EPCAM: variants seen among roughly 807,000 people sequenced by gnomAD.
EPCAM encodes epithelial cell adhesion molecule.
A neutral mutation model predicts 40.0 loss-of-function variants in EPCAM; 39 were observed. That is an observed-to-expected ratio of 0.98 (90% confidence interval 0.76 to 1.27). The LOEUF (loss-of-function observed/expected upper bound fraction) is 1.27, where lower values mean the gene tolerates loss of function less well. EPCAM is among the 50% of genes most tolerant of loss of function. EPCAM has a pLI of 0.00. For missense variants in EPCAM, 503 were observed against 381.2 expected (o/e 1.32, Z -2.66); for synonymous variants, 168 against 132.3 (o/e 1.27, Z -1.85).
chr2:47,371,217 C>G (rs1025692123), intron 1 of EPCAM, among the ~76,000 whole-genome samples: 6 of 152,276 alleles, frequency 3.9e-5, no homozygotes, highest in East Asian at 3.9e-4. Flanking sequence ...AGTTTGATTT[C>G]AGTTTCTCTT....
chr2:47,380,357 A>C (rs540732215), intron 7 of EPCAM, among the ~76,000 whole-genome samples: 138 of 152,310 alleles, frequency 9.1e-4, no homozygotes, highest in African/African-American at 3.2e-3. Flanking sequence ...TAACATCCAT[A>C]TTCCAAAACA....
At position 47,377,059 on chromosome 2, in the gene EPCAM, A is replaced by T. The variant is rs953208357; in HGVS notation, c.537A>T (p.Lys179Asn). 2 of 1,605,598 alleles carry T rather than the reference A, an allele frequency of 1.2e-6. No individual in the cohort carries two copies. Among genetic ancestry groups the T allele is most frequent in the Non-Finnish European group, 1.7e-6 (2 of 1,172,356 alleles). Residue 179 changes from lysine (K) to asparagine (N), a missense_variant, in exon 5 of 9, where the codon AAA becomes AAT. Physicochemically the swap from Lys to Asn is moderately conservative, Grantham distance 94 (BLOSUM62 0). Transcript: ENST00000263735. ...EITTRYQLDP[K>N]FITSILYENN... ...CAACGCGTTATCAACTGGATCCAAA[A>T]TTTATCACGAGTATTTTGGTATGAT...
chr2:47,369,625 G>C, intron 1 of EPCAM, 44 bp downstream of exon 1: 1 of 1,534,848 alleles, frequency 6.5e-7, no homozygotes. Flanking sequence ...GGGCTGGGCT[G>C]GGGGGCAGCG....
At position 47,386,609 on chromosome 2, in the gene EPCAM, C is replaced by T. The variant is rs776895157; in HGVS notation, c.941C>T (p.Ala314Val). The T allele has an allele frequency of 6.2e-7, 1 of 1,600,912 alleles. No individual in the cohort carries two copies. Among genetic ancestry groups the T allele is most frequent in the Non-Finnish European group, 8.6e-7 (1 of 1,169,012 alleles). Residue 314 changes from alanine (A) to valine (V), a missense_variant, in exon 9 of 9, where the codon GCA (alanine) becomes GTA (valine). Physicochemically the swap from Ala to Val is moderately conservative, Grantham distance 64. Coordinates refer to ENST00000263735, the MANE Select transcript of EPCAM (RefSeq NM_002354.3). ...GGTGAGATGCATAGGGAACTCAATGCATAACTATATAATTTGAAGATTATA... is the reference window on the plus strand; with the variant it reads ...GGTGAGATGCATAGGGAACTCAATGTATAACTATATAATTTGAAGATTATA... ...EMGEMHRELN[A>V]
In EPCAM at chr2:47,369,316, G is replaced by C; in HGVS notation, c.-190G>C. The C allele has an allele frequency of 7.4e-7, 1 of 1,355,698 alleles. No homozygotes were observed. The highest frequency in any genetic ancestry group is 3.9e-5 in the Admixed American group (1 of 25,966). The allele number at this position is 1,355,698 out of a possible 1,614,324, so 84.0% of individuals were successfully genotyped here. ...CGCTCCGCCCCGCCGCGCGCACAGA[G>C]CGCTAGTCCTTCGGCGAGCGAGCAC... is the stretch of plus-strand genomic sequence containing the variant. On this transcript the variant is annotated 5_prime_UTR_variant, in exon 1 of 9. Transcript: ENST00000263735.
At chr2:47,372,295 T>G (rs1671290929) in intron 1 of EPCAM, among the ~76,000 whole-genome samples, 1 of 152,066 alleles carries the variant, frequency 6.6e-6, no homozygotes, top group Non-Finnish European at 1.5e-5. Flanking sequence ...CAAGAGAAGG[T>G]GAGGATTCAC....
chr2:47,373,089 C>G (rs1671319178), intron 1 of EPCAM, among the ~76,000 whole-genome samples: 1 of 151,698 alleles, frequency 6.6e-6, no homozygotes, highest in African/African-American at 2.4e-5. Flanking sequence ...GCTGTAGTCC[C>G]AGCTACTTGG....
chr2:47,374,232 T>C (rs1036740668), intron 3 of EPCAM, among the ~76,000 whole-genome samples, 184 bp downstream of exon 3: 1 of 152,214 alleles, frequency 6.6e-6, no homozygotes, highest in African/African-American at 2.4e-5. Flanking sequence ...ATTGATGTTA[T>C]TGATTATTCT....
Position 47,381,084 on chromosome 2 carries a change from TCAAAA to T in EPCAM, c.858+1116_858+1120del, listed in dbSNP as rs1292665382. Among the ~76,000 whole-genome samples, 14 of 44,482 alleles carry T rather than the reference TCAAAA, an allele frequency of 3.1e-4. No individual in the cohort carries two copies. In the East Asian group the frequency reaches 8.5e-3, roughly 27 times the overall value. 29.2% of individuals were successfully genotyped at this position (44,482 alleles called of 152,430 possible). On this transcript the variant is annotated intron_variant, in intron 7 of 8. Transcript: ENST00000263735. ...CTGGGTGACAGAGCAAGACTCTGTC[TCAAAA>T]AAAAAAAAAAAAAAAAAAAAAAAAA... is the stretch of plus-strand genomic sequence containing the variant.
intron 8 of EPCAM, 86 bp downstream of exon 8, chr2:47,385,296 C>T (rs1171629986): frequency 9.2e-7 from 1 of 1,084,850 alleles, no homozygotes; most frequent in Non-Finnish European, 1.4e-6. Flanking sequence ...TGATGCATTT[C>T]AGTTATACTG....
At chr2:47,370,035 C>G (rs1293275893) in intron 1 of EPCAM, among the ~76,000 whole-genome samples, 1 of 152,216 alleles carries the variant, frequency 6.6e-6, no homozygotes, top group Non-Finnish European at 1.5e-5. Context: ...ATGTGGGCCT[C>G]AGGCGGGGAC....
chr2:47,381,588 G>C (rs568880860), intron 7 of EPCAM, among the ~76,000 whole-genome samples: 1 of 152,180 alleles, frequency 6.6e-6, no homozygotes, highest in South Asian at 2.1e-4. Context: ...GGCATGTCCA[G>C]AGCACAGTAG....
At chr2:47,374,907 G>C (rs1370281464) in intron 3 of EPCAM, among the ~76,000 whole-genome samples, 1 of 152,108 alleles carries the variant, frequency 6.6e-6, no homozygotes, top group African/African-American at 2.4e-5. Flanking sequence ...CAAAGTGTTG[G>C]ATTACAGTTG....
In EPCAM at chr2:47,375,702, G is replaced by GA. The variant is rs1179818971; in HGVS notation, c.491+408dup. On this transcript the variant is annotated intron_variant, in intron 4 of 8. Transcript: ENST00000263735. ...ACCACTATACAACGATCAAATTTAGGAAAAATTTTTTTTTTTTTTTTTAGA... is the reference window on the plus strand; with the variant it reads ...ACCACTATACAACGATCAAATTTAGGAAAAAATTTTTTTTTTTTTTTTTAGA... Among the ~76,000 whole-genome samples, 127 of 137,878 alleles carry GA rather than the reference G, an allele frequency of 9.2e-4. 1 individual carries two copies. The highest frequency in any genetic ancestry group is 8.8e-3 in the East Asian group (35 of 3,988). The allele number at this position is 137,878 out of a possible 152,430, so 90.5% of individuals were successfully genotyped here.
At chr2:47,369,796 C>G (rs757837645) in intron 1 of EPCAM, 5 of 686,218 alleles carry the variant, frequency 7.3e-6, no homozygotes, top group Non-Finnish European at 1.4e-5. Flanking sequence ...CACTTCGCAG[C>G]TTTGCTCGCC....
chr2:47,374,068 C>T lies in EPCAM; in HGVS notation c.425+20C>T, dbSNP rs1320125290. ...AACCTAGTGAGTGGGGCTGCCTATACTACTTGTTTTCATGCTGTTCAGATT... is the reference window on the plus strand; with the variant it reads ...AACCTAGTGAGTGGGGCTGCCTATATTACTTGTTTTCATGCTGTTCAGATT... On this transcript the variant is annotated intron_variant, in intron 3 of 8. Coordinates refer to ENST00000263735, the MANE Select transcript of EPCAM (RefSeq NM_002354.3). 4 of 1,613,698 alleles carry T rather than the reference C, an allele frequency of 2.5e-6. No individual in the cohort carries two copies. The highest frequency in any genetic ancestry group is 3.4e-6 in the Non-Finnish European group (4 of 1,179,674).
At chr2:47,380,860 G>A (rs188394500) in intron 7 of EPCAM, among the ~76,000 whole-genome samples, 9 of 152,096 alleles carry the variant, frequency 5.9e-5, no homozygotes, top group East Asian at 1.9e-4. Flanking sequence ...AGGCTGAGGC[G>A]GGTAGATCAC....
intron 7 of EPCAM, among the ~76,000 whole-genome samples, chr2:47,380,839 A>G (rs922177770): frequency 6.6e-6 from 1 of 152,174 alleles, no homozygotes. Flanking sequence ...CTGTAATCGC[A>G]GCACTTTGGA....
chr2:47,386,292 G>C (rs1671741176), intron 8 of EPCAM, among the ~76,000 whole-genome samples: 4 of 152,142 alleles, frequency 2.6e-5, no homozygotes, highest in Admixed American at 2.6e-4. Flanking sequence ...ATTAAAAATA[G>C]TATGCATTTA....
Sources: allele counts gnomAD v4.1 joint callset (sites outside exome capture counted in the v4.1 genomes callset), GRCh38; gene constraint gnomAD v4.1.1; transcripts MANE v1.5; gene names NCBI Gene and HGNC (gene_info 2026-07-23, HGNC 2026-07-21).